Variants in DYSF observed in about 807,000 individuals in gnomAD.
DYSF encodes dysferlin, also known as dystrophy-associated fer-1-like 1.
In DYSF, 212 loss-of-function variants were observed where a neutral mutation model predicts 274.9. The ratio of observed to expected loss-of-function variants is 0.77; its 90% CI spans 0.69 to 0.86. The LOEUF (loss-of-function observed/expected upper bound fraction) is 0.86, where lower values mean the gene tolerates loss of function less well. Ranked by LOEUF, DYSF falls within the 40% of genes least tolerant of loss-of-function variation. The probability of loss-of-function intolerance (pLI) is 0.00; values close to 1 mark genes in which losing one functional copy is unlikely to be tolerated. For missense variants in DYSF, 2,666 were observed against 2,783.2 expected, an observed-to-expected ratio of 0.96 and a Z score of 0.95; for synonymous variants, 1,091 against 1,078.7, an observed-to-expected ratio of 1.01 and a Z score of -0.22.
chr2:71,520,740 C>G lies in DYSF; in HGVS notation c.1034-49C>G, dbSNP rs369710423. ...CCTGGGTTCCCGGATGTGGCCACAG[C>G]CTGGGGTCTTCTGATTCTGGGATCA... On this transcript the variant is annotated intron_variant, in intron 11 of 55. Coordinates refer to ENST00000410020, the MANE Select transcript of DYSF (RefSeq NM_001130987.2). 67 of 1,567,106 alleles carry G rather than the reference C, an allele frequency of 4.3e-5. No homozygotes were observed. In the African/African-American group the frequency reaches 7.6e-4, roughly 18 times the overall value.
At chr2:71,616,953 A>T (rs1323912085) in intron 40 of DYSF, among the ~76,000 whole-genome samples, 1 of 151,990 alleles carries the variant, frequency 6.6e-6, no homozygotes, top group Non-Finnish European at 1.5e-5. Context: ...TGGTGTTATG[A>T]TTATGATTAG....
intron 3 of DYSF, among the ~76,000 whole-genome samples, chr2:71,485,646 T>A (rs1410940960): frequency 6.6e-6 from 1 of 152,092 alleles, no homozygotes; most frequent in Admixed American, 6.5e-5. Flanking sequence ...GATGGCAAAG[T>A]ACTTCCACCC....
intron 45 of DYSF, among the ~76,000 whole-genome samples, 170 bp downstream of exon 45, chr2:71,660,821 C>T (rs1401304423): frequency 6.6e-6 from 1 of 152,176 alleles, no homozygotes; most frequent in East Asian, 1.9e-4. Flanking sequence ...CCTTCTTTAG[C>T]TGCTAAAGAC....
chr2:71,587,314 G>A (rs1052551959), intron 30 of DYSF, among the ~76,000 whole-genome samples: 4 of 152,306 alleles, frequency 2.6e-5, no homozygotes, highest in Admixed American at 6.5e-5. Context: ...GAGAGAGAGC[G>A]AGAGAGGGGG....
chr2:71,590,430 T>C, intron 32 of DYSF, 142 bp downstream of exon 32: 1 of 885,050 alleles, frequency 1.1e-6, no homozygotes, highest in South Asian at 1.4e-5. Context: ...GGCTTCTTGG[T>C]CGTCAGGTGC....
At position 71,646,145 on chromosome 2, in the gene DYSF, T is replaced by A. The variant is rs528771872; in HGVS notation, c.4626+2082T>A. Among the ~76,000 whole-genome samples, 16 of 152,334 alleles carry A rather than the reference T, an allele frequency of 1.1e-4. 1 individual carries two copies. Among genetic ancestry groups the A allele is most frequent in the African/African-American group, 3.8e-4 (16 of 41,576 alleles). Reference sequence around the variant, plus strand: ...GCAGCTGCGATCCTCAGGCAGCAAGTTCCTCCTCGACTTGGTAGTTGGGTG... The same window carrying A: ...GCAGCTGCGATCCTCAGGCAGCAAGATCCTCCTCGACTTGGTAGTTGGGTG... On this transcript the variant is annotated intron_variant, in intron 42 of 55. Coordinates refer to ENST00000410020, the MANE Select transcript of DYSF (RefSeq NM_001130987.2).
At chr2:71,540,209 C>G (rs958790951) in intron 17 of DYSF, among the ~76,000 whole-genome samples, 17 of 150,952 alleles carry the variant, frequency 1.1e-4, no homozygotes, top group Non-Finnish European at 2.2e-4. Context: ...CTCCCCAGTT[C>G]AAGCAATTCT....
chr2:71,529,908 A>C (rs1222058002), intron 14 of DYSF, among the ~76,000 whole-genome samples: 2 of 152,154 alleles, frequency 1.3e-5, no homozygotes, highest in Non-Finnish European at 2.9e-5. Flanking sequence ...TTTTATTTCT[A>C]ATGTTAAATC....
intron 33 of DYSF, 30 bp downstream of exon 33, chr2:71,598,775 C>G (rs775788925): frequency 1.9e-6 from 3 of 1,605,666 alleles, no homozygotes; most frequent in East Asian, 4.5e-5. Flanking sequence ...GCCTCGTCCC[C>G]TCACAGGGAG....
chr2:71,466,743 G>A lies in DYSF; in HGVS notation c.-100G>A, dbSNP rs1324551570. 1 of 1,402,372 alleles carries A rather than the reference G, an allele frequency of 7.1e-7. No individual in the cohort carries two copies. Among genetic ancestry groups the A allele is most frequent in the African/African-American group, 1.5e-5 (1 of 67,144 alleles). 86.9% of individuals were successfully genotyped at this position (1,402,372 alleles called of 1,614,324 possible). A position where few individuals can be genotyped will look rare whatever the true frequency, so the allele number is the denominator to read the frequency against. On this transcript the variant is annotated 5_prime_UTR_variant, in exon 1 of 56. Coordinates refer to ENST00000410020, the MANE Select transcript of DYSF (RefSeq NM_001130987.2). ...GCGAAGGCGACAGCTCTCTTGGCGC[G>A]GCTGCCTGGGAGCCGGGCGCTTGCT...
Position 71,574,372 on chromosome 2 carries a change from G to C in DYSF, c.3402+1G>C. ...TGTGTTTGCCCTTGAGGGGGCCCTGGTATGTGGGGCTGCACTTGTCCTGGC... is the reference window on the plus strand; with the variant it reads ...TGTGTTTGCCCTTGAGGGGGCCCTGCTATGTGGGGCTGCACTTGTCCTGGC... On this transcript the variant is annotated splice_donor_variant, in intron 30 of 55. Coordinates refer to ENST00000410020, the MANE Select transcript of DYSF (RefSeq NM_001130987.2). LOFTEE classifies it high-confidence loss of function. 1 of 1,613,468 alleles carries C rather than the reference G, an allele frequency of 6.2e-7. No homozygotes were observed. The highest frequency in any genetic ancestry group is 1.3e-5 in the African/African-American group (1 of 75,032).
rs192265950 is a variant in DYSF at position 71,512,370 on chromosome 2, T to C, written c.460+449T>C. On this transcript the variant is annotated intron_variant, in intron 5 of 55. Coordinates refer to ENST00000410020, the MANE Select transcript of DYSF (RefSeq NM_001130987.2). The stretch of plus-strand genomic sequence containing the variant: ...GTGTGACAAAAGAACTAGTTTTTTT[T>C]CTTGAAAGAGCCCTGAACTGAACTT... Among the ~76,000 whole-genome samples, 422 of 152,328 alleles carry C rather than the reference T, an allele frequency of 2.8e-3. 3 individuals are homozygous for C. Among genetic ancestry groups the C allele is most frequent in the African/African-American group, 9.6e-3 (400 of 41,566 alleles).
At chr2:71,493,677 C>A (rs971939461) in intron 3 of DYSF, among the ~76,000 whole-genome samples, 2 of 151,830 alleles carry the variant, frequency 1.3e-5, no homozygotes, top group Non-Finnish European at 2.9e-5. Context: ...CATGGTGAAA[C>A]CCCGTCACTA....
Position 71,686,546 on chromosome 2 carries a change from G to A in DYSF, c.*54G>A, listed in dbSNP as rs1272619358. 1 of 1,606,328 alleles carries A rather than the reference G, an allele frequency of 6.2e-7. No individual in the cohort carries two copies. Among genetic ancestry groups the A allele is most frequent in the Non-Finnish European group, 8.5e-7 (1 of 1,173,882 alleles). On this transcript the variant is annotated 3_prime_UTR_variant, in exon 56 of 56. Transcript: ENST00000410020. ...TGGGGTCCCCTCCAGCATGGGACTG[G>A]CCTGCCTCCTCCGCCCAGCTCGGCG... is the stretch of plus-strand genomic sequence containing the variant.
intron 18 of DYSF, among the ~76,000 whole-genome samples, chr2:71,551,358 C>A (rs1373289776): frequency 1.3e-5 from 2 of 152,254 alleles, no homozygotes; most frequent in Admixed American, 1.3e-4. Context: ...CGCCTTGAAG[C>A]ACCCAGGCCC....
rs139124444 is a variant in DYSF, at chr2:71,550,817, A to C, written c.1577-224A>C. On this transcript the variant is annotated intron_variant, in intron 17 of 55. Coordinates refer to ENST00000410020, the MANE Select transcript of DYSF (RefSeq NM_001130987.2). Reference sequence around the variant, plus strand: ...TCATCTGTAAAATGAGACTAATAAAAATATGATTGCATCTCAGCATGATGG... The same window carrying C: ...TCATCTGTAAAATGAGACTAATAAACATATGATTGCATCTCAGCATGATGG... 3.9e-5 allele frequency among the ~76,000 whole-genome samples: 6 copies of C among 152,340 alleles called. No individual in the cohort carries two copies. In the East Asian group the frequency reaches 1.2e-3, roughly 29 times the overall value.
intron 5 of DYSF, 71 bp from the exon 6 acceptor site, chr2:71,513,169 G>T (rs2086274231): frequency 1.4e-6 from 2 of 1,404,156 alleles, no homozygotes; most frequent in South Asian, 2.5e-5. Flanking sequence ...GGATGGAGGT[G>T]CAGTAGGTTG....
chr2:71,590,535 A>G (rs1465124071), intron 32 of DYSF, among the ~76,000 whole-genome samples: 1 of 152,074 alleles, frequency 6.6e-6, no homozygotes, highest in Non-Finnish European at 1.5e-5. Context: ...CCTTGGCTCT[A>G]GCCGCCAGTC....
intron 32 of DYSF, among the ~76,000 whole-genome samples, chr2:71,592,026 C>A (rs990026521): frequency 6.6e-6 from 1 of 152,234 alleles, no homozygotes; most frequent in African/African-American, 2.4e-5. Context: ...AGGAGTCTGA[C>A]GATTAGAACT....
Sources: allele counts gnomAD v4.1 joint callset (sites outside exome capture counted in the v4.1 genomes callset), GRCh38; gene constraint gnomAD v4.1.1; transcripts MANE v1.5; gene names NCBI Gene and HGNC (gene_info 2026-07-23, HGNC 2026-07-21).